CSF1R: variants seen among roughly 807,000 people sequenced by gnomAD.
The protein encoded by CSF1R is colony stimulating factor 1 receptor.
A neutral mutation model predicts 110.0 loss-of-function variants in CSF1R; 40 were observed. The observed-to-expected ratio is 0.36, with a 90% confidence interval of 0.28 to 0.47. CSF1R has a LOEUF of 0.47. CSF1R is among the 20% of genes least tolerant of loss of function. The pLI, the probability that CSF1R is intolerant of heterozygous loss-of-function variation, is 0.99. For missense variants in CSF1R, 1,052 were observed against 1,253.0 expected (o/e 0.84, Z 2.42); for synonymous variants, 523 against 503.4 (o/e 1.04, Z -0.52).
At chr5:150,075,876 T>C (rs887737327) in intron 5 of CSF1R, among the ~76,000 whole-genome samples, 6 of 152,240 alleles carry the variant, frequency 3.9e-5, no homozygotes, top group South Asian at 2.1e-4. Flanking sequence ...CCAGTGCAGA[T>C]TGGGGTCCAC....
chr5:150,107,392 G>A (rs1035120497), intron 1 of CSF1R, among the ~76,000 whole-genome samples: 1 of 152,116 alleles, frequency 6.6e-6, no homozygotes, highest in South Asian at 2.1e-4. Flanking sequence ...ATTAACACAG[G>A]GGCATGAAGA....
chr5:150,086,476 G>C lies in CSF1R; in HGVS notation c.-49C>G. Reference sequence around the variant, plus strand: ...CAGGTGCAGGGCTGCAAGGTGCCCAGGGCACAGAGCTCTCAGCTACTAGCT... The same window carrying C: ...CAGGTGCAGGGCTGCAAGGTGCCCACGGCACAGAGCTCTCAGCTACTAGCT... On this transcript the variant is annotated 5_prime_UTR_variant, in exon 1 of 21. Coordinates refer to ENST00000675795, the MANE Select transcript of CSF1R (RefSeq NM_001288705.3). 6.3e-7 allele frequency: 1 copy of C among 1,575,468 alleles called. No homozygotes were observed. The highest frequency in any genetic ancestry group is 8.7e-7 in the Non-Finnish European group (1 of 1,155,380).
chr5:150,101,032 C>A (rs148037581), intron 1 of CSF1R, among the ~76,000 whole-genome samples: 1 of 151,838 alleles, frequency 6.6e-6, no homozygotes, highest in African/African-American at 2.4e-5. Context: ...CCTTTCAGTA[C>A]CCGATCTCTT....
chr5:150,065,952 C>T (rs934832232), intron 10 of CSF1R, among the ~76,000 whole-genome samples: 1 of 152,242 alleles, frequency 6.6e-6, no homozygotes, highest in African/African-American at 2.4e-5. Flanking sequence ...GTCCTGGCAG[C>T]TCTGTGGGCA....
intron 1 of CSF1R, among the ~76,000 whole-genome samples, chr5:150,100,592 T>G (rs546770914): frequency 1.3e-4 from 20 of 152,268 alleles, no homozygotes; most frequent in Non-Finnish European, 2.4e-4. Flanking sequence ...TGGCTAAGAT[T>G]TGGAGCAACA....
At chr5:150,072,768 GT>G (rs1260897790) in intron 6 of CSF1R, among the ~76,000 whole-genome samples, 1 of 152,204 alleles carries the variant, frequency 6.6e-6, no homozygotes, top group East Asian at 1.9e-4. Context: ...CATGGGAAGA[GT>G]TTTGAGCTTA....
chr5:150,071,242 C>T (rs1474681045), intron 6 of CSF1R, among the ~76,000 whole-genome samples: 4 of 152,146 alleles, frequency 2.6e-5, no homozygotes, highest in African/African-American at 9.7e-5. Context: ...CAAAAACTAA[C>T]AATAAAAATC....
intron 1 of CSF1R, among the ~76,000 whole-genome samples, chr5:150,105,386 T>TATATATATA (rs1561967340): frequency 5.8e-5 from 3 of 51,698 alleles, no homozygotes; most frequent in East Asian, 4.2e-4. Flanking sequence ...ATATATATAT[T>TATATATATA]TTTTTTTTTT....
chr5:150,085,224 C>T (rs978896147), intron 1 of CSF1R, among the ~76,000 whole-genome samples: 1 of 146,270 alleles, frequency 6.8e-6, no homozygotes, highest in Non-Finnish European at 1.5e-5. Context: ...TGCAGTGAGC[C>T]GAGATTGTGC....
chr5:150,054,447 AG>A lies in CSF1R; in HGVS notation c.2655-18del. ...ATGCTGTATCTGGGAGATAGGACAG[AG>A]GATGCCCATGGGCAGCTCCCTAGGG... is the stretch of plus-strand genomic sequence containing the variant. On this transcript the variant is annotated intron_variant, in intron 19 of 20. Coordinates refer to ENST00000675795, the MANE Select transcript of CSF1R (RefSeq NM_001288705.3). 1 of 1,600,980 alleles carries A rather than the reference AG, an allele frequency of 6.2e-7. No homozygotes were observed. The highest frequency in any genetic ancestry group is 8.5e-7 in the Non-Finnish European group (1 of 1,172,426).
At chr5:150,089,460 G>A (rs947216150), upstream of CSF1R, among the ~76,000 whole-genome samples, 1 of 152,136 alleles carries the variant, frequency 6.6e-6, no homozygotes, top group East Asian at 1.9e-4. Context: ...ATTTGCAATA[G>A]TATCAAAAAT....
At chr5:150,058,836 A>G (rs1243442379) in intron 14 of CSF1R, among the ~76,000 whole-genome samples, 3 of 152,100 alleles carry the variant, frequency 2.0e-5, no homozygotes, top group Non-Finnish European at 2.9e-5. Context: ...CCCCTGAGAC[A>G]GAGACCTCCA....
chr5:150,065,512 A>T (rs1312514439), intron 10 of CSF1R, among the ~76,000 whole-genome samples: 1 of 151,512 alleles, frequency 6.6e-6, no homozygotes, highest in East Asian at 1.9e-4. Flanking sequence ...CAGAACAAAC[A>T]CTCCCCACAG....
At position 150,059,849 on chromosome 5, in the gene CSF1R, G is replaced by T; in HGVS notation, c.1983C>A (p.Val661=). 1.2e-6 allele frequency: 2 copies of T among 1,613,828 alleles called. No homozygotes were observed. The highest frequency in any genetic ancestry group is 2.2e-5 in the South Asian group (2 of 91,050). The part of the protein sequence containing the change: ...GACTHGGPVL[V]ITEYCCYGDL... ...CGCCATAGCAACAGTACTCCGTGAT[G>T]ACCAGTACAGGGCCTAGAGCAGCCA... Residue 661 remains valine (V), a synonymous_variant, in exon 14 of 21, where the codon GTC becomes GTA. Coordinates refer to ENST00000675795, the MANE Select transcript of CSF1R (RefSeq NM_001288705.3).
chr5:150,061,452 C>A, intron 12 of CSF1R, 39 bp downstream of exon 12: 1 of 790,582 alleles, frequency 1.3e-6, no homozygotes, highest in Non-Finnish European at 2.0e-6. Flanking sequence ...CAGCATCTAC[C>A]ACCCCCCATC....
At chr5:150,108,961 G>A (rs1019294652) in intron 1 of CSF1R, among the ~76,000 whole-genome samples, 4 of 151,554 alleles carry the variant, frequency 2.6e-5, no homozygotes, top group Non-Finnish European at 4.4e-5. Context: ...ATGGTCCCTC[G>A]CCAGACCCCT....
intron 1 of CSF1R, among the ~76,000 whole-genome samples, chr5:150,107,199 G>A (rs1759582802): frequency 6.6e-6 from 1 of 152,240 alleles, no homozygotes; most frequent in Admixed American, 6.5e-5. Flanking sequence ...TCTGGGCCCA[G>A]GAAGGCCAAG....
chr5:150,061,728 T>C lies in CSF1R; in HGVS notation c.1748A>G (p.Gln583Arg). 6.2e-7 allele frequency: 1 copy of C among 1,614,188 alleles called. No individual in the cohort carries two copies. The highest frequency in any genetic ancestry group is 8.5e-7 in the Non-Finnish European group (1 of 1,180,028). The change falls in exon 11 of 21, where the codon CAG becomes CGG. Residue 583 changes from glutamine (Q) to arginine (R), a missense_variant. Physicochemically the swap from Gln to Arg is conservative, Grantham distance 43 (BLOSUM62 1). This residue lies in a region of CSF1R where 76 missense variants were observed against 133.6 expected (regional missense o/e 0.57). Coordinates refer to ENST00000675795, the MANE Select transcript of CSF1R (RefSeq NM_001288705.3). ...GTGATGAGCTGCCATCTCACCAAACTGCAGGTTGTTCCGGGGGAACTCCCA... is the reference window on the plus strand; with the variant it reads ...GTGATGAGCTGCCATCTCACCAAACCGCAGGTTGTTCCGGGGGAACTCCCA... The part of the protein sequence containing the change: ...EKWEFPRNNL[Q>R]FGKTLGAGAF...
chr5:150,055,201 G>A, intron 19 of CSF1R, 36 bp downstream of exon 19: 3 of 1,572,268 alleles, frequency 1.9e-6, no homozygotes, highest in African/African-American at 1.3e-5. Flanking sequence ...GAAAGCCTGG[G>A]GTGTCCTTTT....
Sources: allele counts gnomAD v4.1 joint callset (sites outside exome capture counted in the v4.1 genomes callset), GRCh38; gene constraint gnomAD v4.1.1; regional missense constraint gnomAD v4.1.1; transcripts MANE v1.5; gene names NCBI Gene and HGNC (gene_info 2026-07-23, HGNC 2026-07-21).